The following PIGU variants were observed in gnomAD, a reference collection of about 807,000 sequenced individuals.
The protein encoded by PIGU is GPI-anchor transamidase component PIGU.
Under a neutral mutation model 49.9 loss-of-function variants are expected in PIGU, and 24 were observed. That is an observed-to-expected ratio of 0.48 (90% confidence interval 0.35 to 0.68). PIGU has a LOEUF of 0.68. Ranked by LOEUF, PIGU falls within the 30% of genes least tolerant of loss-of-function variation. The pLI, the probability that PIGU is intolerant of heterozygous loss-of-function variation, is 0.01. For synonymous variants in PIGU, 220 were observed against 205.7 expected, an observed-to-expected ratio of 1.07 and a Z score of -0.59; for missense variants, 490 against 532.6, an observed-to-expected ratio of 0.92 and a Z score of 0.79.
At chr20:34,627,985 T>C (rs1027462486) in intron 6 of PIGU, among the ~76,000 whole-genome samples, 1 of 152,188 alleles carries the variant, frequency 6.6e-6, no homozygotes, top group African/African-American at 2.4e-5. Flanking sequence ...AGACCACTCA[T>C]AAGCATTCCA....
chr20:34,611,648 G>GAAAAAAAAAAAAAAAAAAA (rs146531122), intron 7 of PIGU, among the ~76,000 whole-genome samples: 1 of 65,000 alleles, frequency 1.5e-5, no homozygotes, highest in Non-Finnish European at 3.0e-5. Flanking sequence ...TCAAGTCTCA[G>GAAAAAAAAAAAAAAAAAAA]AAAAAAAAAA....
At chr20:34,665,267 G>C (rs1033374989) in intron 1 of PIGU, among the ~76,000 whole-genome samples, 2 of 139,956 alleles carry the variant, frequency 1.4e-5, no homozygotes, top group African/African-American at 5.4e-5. Context: ...GCAGTGGCGC[G>C]ATCTCGGCTC....
chr20:34,673,111 G>A (rs1204639727), intron 1 of PIGU, among the ~76,000 whole-genome samples: 4 of 151,954 alleles, frequency 2.6e-5, no homozygotes, highest in East Asian at 1.9e-4. Flanking sequence ...AAAATTAACC[G>A]GGTGTGGTGG....
At position 34,627,747 on chromosome 20, in the gene PIGU, T is replaced by C. The variant is rs1418395840; in HGVS notation, c.529+6868A>G. Among the ~76,000 whole-genome samples the C allele has an allele frequency of 2.0e-5, 3 of 152,170 alleles. No homozygotes were observed. In the East Asian group the frequency reaches 5.8e-4, roughly 29 times the overall value. ...CTGCCAGGCTGCTGCGTATATTGTT[T>C]ATTTTAATGGACACCAGACACCTTG... is the stretch of plus-strand genomic sequence containing the variant. On this transcript the variant is annotated intron_variant, in intron 6 of 11. Transcript: ENST00000217446.
intron 1 of PIGU, among the ~76,000 whole-genome samples, chr20:34,676,464 G>A (rs1309185581): frequency 1.3e-5 from 2 of 152,184 alleles, no homozygotes; most frequent in East Asian, 3.8e-4. Flanking sequence ...TGCCCTGCAA[G>A]TCCCAGACTG....
intron 3 of PIGU, 66 bp downstream of exon 3, chr20:34,645,209 A>C (rs978446355): frequency 2.2e-6 from 3 of 1,348,918 alleles, no homozygotes; most frequent in Non-Finnish European, 2.9e-6. Context: ...AAAAAGAGAG[A>C]GAGAGACAAT....
At chr20:34,633,361 G>A (rs925121358) in intron 6 of PIGU, among the ~76,000 whole-genome samples, 4 of 152,084 alleles carry the variant, frequency 2.6e-5, no homozygotes, top group African/African-American at 7.2e-5. Flanking sequence ...CTACTTAGGA[G>A]GCTGAAGTGG....
intron 6 of PIGU, among the ~76,000 whole-genome samples, chr20:34,624,775 A>C (rs558948540): frequency 1.0e-3 from 158 of 152,234 alleles, no homozygotes; most frequent in Non-Finnish European, 1.9e-3. Flanking sequence ...CTGCCCAAAG[A>C]CCTGTGTTCC....
intron 1 of PIGU, 37 bp downstream of exon 1, chr20:34,676,919 G>T (rs1293213471): frequency 1.9e-6 from 3 of 1,555,842 alleles, no homozygotes; most frequent in African/African-American, 2.7e-5. Context: ...GGGAGGGCAG[G>T]TGGGGCCTGA....
At chr20:34,652,605 C>T (rs1986575457) in intron 2 of PIGU, among the ~76,000 whole-genome samples, 1 of 152,086 alleles carries the variant, frequency 6.6e-6, no homozygotes, top group Non-Finnish European at 1.5e-5. Flanking sequence ...TGCTATAAGT[C>T]TCTCCCTAAG....
chr20:34,653,086 C>A (rs1172914658), intron 2 of PIGU, among the ~76,000 whole-genome samples: 2 of 151,944 alleles, frequency 1.3e-5, no homozygotes, highest in Non-Finnish European at 2.9e-5. Flanking sequence ...CATTCTCCTG[C>A]CTCAGCCTCC....
chr20:34,673,012 T>G lies in PIGU; in HGVS notation c.130+3944A>C, dbSNP rs555230665. Among the ~76,000 whole-genome samples the G allele has an allele frequency of 1.4e-4, 21 of 152,192 alleles. No individual in the cohort carries two copies. The East Asian group carries it at 3.9e-3, about 28-fold the overall frequency. ...GCTCACGCCTGTCATCCCAGCACTT[T>G]GGAAGGCCGAGGCGGGTGGATCACG... On this transcript the variant is annotated intron_variant, in intron 1 of 11. Transcript: ENST00000217446.
intron 11 of PIGU, among the ~76,000 whole-genome samples, chr20:34,569,737 C>T (rs1373413759): frequency 6.6e-6 from 1 of 152,148 alleles, no homozygotes; most frequent in Non-Finnish European, 1.5e-5. Flanking sequence ...TCAGGGTGTA[C>T]AGAAATGTGT....
intron 9 of PIGU, among the ~76,000 whole-genome samples, chr20:34,584,925 T>G (rs1367406044): frequency 6.6e-6 from 1 of 152,204 alleles, no homozygotes; most frequent in African/African-American, 2.4e-5. Context: ...TGACCTCAGG[T>G]GATCCACTCG....
At chr20:34,562,495 G>C (rs944602728) in intron 11 of PIGU, 3 of 1,289,348 alleles carry the variant, frequency 2.3e-6, no homozygotes, top group Admixed American at 2.3e-5. Context: ...AGTTCAGGAA[G>C]GTGTCCTGTC....
intron 6 of PIGU, among the ~76,000 whole-genome samples, chr20:34,629,335 T>C (rs1041659444): frequency 6.6e-6 from 1 of 152,218 alleles, no homozygotes; most frequent in Non-Finnish European, 1.5e-5. Flanking sequence ...TGTTACATTT[T>C]GATCAATGGG....
chr20:34,567,773 C>T (rs1474326770), intron 11 of PIGU, among the ~76,000 whole-genome samples: 2 of 151,918 alleles, frequency 1.3e-5, no homozygotes, highest in African/African-American at 4.8e-5. Flanking sequence ...CCCAGCAGCA[C>T]GGTGTTCCTC....
chr20:34,640,590 T>C (rs893610101), intron 4 of PIGU, among the ~76,000 whole-genome samples: 25 of 151,822 alleles, frequency 1.6e-4, no homozygotes, highest in African/African-American at 5.8e-4. Context: ...TAAAATCTGA[T>C]GATCAATATT....
At chr20:34,629,418 C>T (rs1298708697) in intron 6 of PIGU, among the ~76,000 whole-genome samples, 5 of 152,210 alleles carry the variant, frequency 3.3e-5, no homozygotes. Flanking sequence ...TATTGTGCTT[C>T]TGCCATTGCT....
Sources: allele counts gnomAD v4.1 joint callset (sites outside exome capture counted in the v4.1 genomes callset), GRCh38; gene constraint gnomAD v4.1.1; transcripts MANE v1.5; gene names NCBI Gene and HGNC (gene_info 2026-07-23, HGNC 2026-07-21).